Variants in PRKCE observed in about 807,000 individuals in gnomAD.
PRKCE encodes the protein protein kinase C epsilon.
Under a neutral mutation model 85.4 loss-of-function variants are expected in PRKCE, and 16 were observed. The ratio of observed to expected loss-of-function variants is 0.19; its 90% CI spans 0.13 to 0.28. The LOEUF (loss-of-function observed/expected upper bound fraction) is 0.28. Ranked by LOEUF, PRKCE falls within the 10% of genes least tolerant of loss-of-function variation. The probability of loss-of-function intolerance (pLI) is 1.00; values close to 1 mark genes in which losing one functional copy is unlikely to be tolerated. For missense variants in PRKCE, 573 were observed against 975.2 expected, an observed-to-expected ratio of 0.59 and a Z score of 5.49; for synonymous variants, 388 against 371.5, an observed-to-expected ratio of 1.04 and a Z score of -0.51.
intron 2 of PRKCE, among the ~76,000 whole-genome samples, chr2:45,965,353 G>T (rs1701664242): frequency 6.6e-6 from 1 of 152,114 alleles, no homozygotes; most frequent in Non-Finnish European, 1.5e-5. Flanking sequence ...AAAATAAAAG[G>T]CACGGCTGCT....
chr2:46,142,641 G>A (rs111387826), intron 11 of PRKCE, among the ~76,000 whole-genome samples: 8 of 152,326 alleles, frequency 5.3e-5, no homozygotes, highest in African/African-American at 1.9e-4. Flanking sequence ...AGCCACCCTG[G>A]ACCACCTTTC....
At chr2:45,746,092 A>T (rs1683114743) in intron 1 of PRKCE, among the ~76,000 whole-genome samples, 1 of 152,130 alleles carries the variant, frequency 6.6e-6, no homozygotes, top group East Asian at 1.9e-4. Context: ...CTGCTTTCCG[A>T]GATGTTCCTT....
At chr2:46,160,656 A>C (rs372591253) in intron 14 of PRKCE, among the ~76,000 whole-genome samples, 90 of 152,270 alleles carry the variant, frequency 5.9e-4, no homozygotes, top group African/African-American at 2.0e-3. Flanking sequence ...GGTCCCAGGC[A>C]GGGAGGATTT....
At chr2:45,785,496 A>C (rs1360389559) in intron 1 of PRKCE, among the ~76,000 whole-genome samples, 1 of 147,212 alleles carries the variant, frequency 6.8e-6, no homozygotes, top group Non-Finnish European at 1.5e-5. Flanking sequence ...TCTCAAAAAA[A>C]GAATAAAAAA....
chr2:45,718,114 T>A (rs1035702109), intron 1 of PRKCE, among the ~76,000 whole-genome samples: 1 of 152,164 alleles, frequency 6.6e-6, no homozygotes, highest in South Asian at 2.1e-4. Context: ...TAACTTTTCA[T>A]TGGAGGAGGC....
chr2:45,869,696 T>TTC lies in PRKCE; in HGVS notation c.412+26643_412+26644dup, dbSNP rs201287266. ...TTTTTCTTTTTGTTTTTGTTTTTGT[T>TTC]TCTCTCTCTCTTTTTTTTTTTTTTT... On this transcript the variant is annotated intron_variant, in intron 2 of 14. Coordinates refer to ENST00000306156, the MANE Select transcript of PRKCE (RefSeq NM_005400.3). Among the ~76,000 whole-genome samples, 630 of 140,490 alleles carry TTC rather than the reference T, an allele frequency of 4.5e-3. 8 individuals are homozygous for TTC. Among genetic ancestry groups the TTC allele is most frequent in the African/African-American group, 0.016 (602 of 38,656 alleles). 92.2% of individuals were successfully genotyped at this position (140,490 alleles called of 152,430 possible).
intron 1 of PRKCE, among the ~76,000 whole-genome samples, chr2:45,812,265 T>G (rs1688707563): frequency 6.6e-6 from 1 of 152,230 alleles, no homozygotes; most frequent in African/African-American, 2.4e-5. Flanking sequence ...ATCGCTCAAA[T>G]GTAAGGGATT....
chr2:45,685,624 CA>C (rs879558388), intron 1 of PRKCE: 175 of 140,306 alleles, frequency 1.2e-3, no homozygotes, highest in Middle Eastern at 3.6e-3. Context: ...ACCCCAGCTC[CA>C]AAAAAAAAAA....
intron 1 of PRKCE, among the ~76,000 whole-genome samples, chr2:45,720,379 G>T (rs1680512601): frequency 6.6e-6 from 1 of 152,074 alleles, no homozygotes; most frequent in Non-Finnish European, 1.5e-5. Context: ...GGGATTTGAG[G>T]GCTCCCCAGT....
chr2:45,976,283 C>G (rs1328092786), intron 2 of PRKCE, 146 bp from the exon 3 acceptor site: 2 of 895,372 alleles, frequency 2.2e-6, no homozygotes, highest in Non-Finnish European at 3.4e-6. Context: ...ACTCCTCAGA[C>G]CCCCGAGTCC....
At chr2:45,850,671 C>G (rs1692173494) in intron 2 of PRKCE, among the ~76,000 whole-genome samples, 1 of 152,184 alleles carries the variant, frequency 6.6e-6, no homozygotes. Context: ...CATGTTTTCA[C>G]AAGCAAGTGC....
At chr2:46,080,145 G>T (rs72877718) in intron 10 of PRKCE, among the ~76,000 whole-genome samples, 175 of 152,262 alleles carry the variant, frequency 1.1e-3, no homozygotes, top group African/African-American at 3.7e-3. Flanking sequence ...ATGAGTAGCT[G>T]CTGGGTTTGC....
intron 2 of PRKCE, among the ~76,000 whole-genome samples, chr2:45,940,508 G>A (rs1171663267): frequency 6.6e-6 from 1 of 152,214 alleles, no homozygotes; most frequent in African/African-American, 2.4e-5. Context: ...GTCTGGCTTA[G>A]TAGGCCCAAG....
intron 1 of PRKCE, among the ~76,000 whole-genome samples, chr2:45,667,199 T>C (rs1675954627): frequency 6.6e-6 from 1 of 151,904 alleles, no homozygotes. Context: ...TAATCCCAGC[T>C]ACTTGGGAGG....
chr2:46,100,780 T>C (rs1671135545), intron 11 of PRKCE, among the ~76,000 whole-genome samples: 1 of 152,262 alleles, frequency 6.6e-6, no homozygotes, highest in Admixed American at 6.5e-5. Flanking sequence ...TATAGGACTC[T>C]AAGATGCCAT....
chr2:45,855,778 G>T (rs889872505), intron 2 of PRKCE, among the ~76,000 whole-genome samples: 5 of 152,154 alleles, frequency 3.3e-5, no homozygotes, highest in African/African-American at 1.2e-4. Context: ...ACTTGAGAAG[G>T]GGTTTTGTTT....
At chr2:45,816,328 C>T (rs927978799) in intron 1 of PRKCE, among the ~76,000 whole-genome samples, 1 of 152,184 alleles carries the variant, frequency 6.6e-6, no homozygotes, top group East Asian at 1.9e-4. Flanking sequence ...TTGTTCACTA[C>T]CCCCTGGAGT....
intron 2 of PRKCE, among the ~76,000 whole-genome samples, chr2:45,863,581 A>G (rs1693343231): frequency 6.6e-6 from 1 of 151,838 alleles, no homozygotes; most frequent in South Asian, 2.1e-4. Flanking sequence ...GGCAGTCCCT[A>G]CTCTCAAGGA....
In PRKCE at chr2:45,658,924, G is replaced by T. The variant is rs540707683; in HGVS notation, c.348+6476G>T. On this transcript the variant is annotated intron_variant, in intron 1 of 14. Coordinates refer to ENST00000306156, the MANE Select transcript of PRKCE (RefSeq NM_005400.3). ...TTGTTCTGGAAAGTCTAGAAGCTGC[G>T]GTCATTGTAGACAAAGGTTAATTAT... 4.6e-5 allele frequency among the ~76,000 whole-genome samples: 7 copies of T among 152,304 alleles called. No individual in the cohort carries two copies. In the South Asian group the frequency reaches 1.4e-3, roughly 32 times the overall value.
Sources: gnomAD v4.1 joint callset for allele counts (sites outside exome capture counted in the v4.1 genomes callset) on GRCh38, gnomAD v4.1.1 for gene constraint, MANE v1.5 for transcripts, NCBI Gene and HGNC (gene_info 2026-07-23, HGNC 2026-07-21) for gene names.